The following TEX15 variants were observed in gnomAD, a reference collection of about 807,000 sequenced individuals.
TEX15 encodes testis-expressed protein 15.
Under a neutral mutation model 237.3 loss-of-function variants are expected in TEX15, and 171 were observed. The observed-to-expected ratio is 0.72, with a 90% CI of 0.64 to 0.82. The LOEUF (loss-of-function observed/expected upper bound fraction) is 0.82, where lower values mean the gene tolerates loss of function less well. Ranked by LOEUF, TEX15 falls within the 40% of genes least tolerant of loss-of-function variation. TEX15 has a pLI of 0.00. For synonymous variants in TEX15, 1,338 were observed against 1,269.8 expected, an observed-to-expected ratio of 1.05 and a Z score of -1.14; for missense variants, 3,750 against 3,646.5, an observed-to-expected ratio of 1.03 and a Z score of -0.73.
In TEX15 at chr8:30,837,622, C is replaced by T. The variant is rs941181993; in HGVS notation, c.8662G>A (p.Val2888Met). ...DINPETDVSL[V>M]PDASVLSKPI... is the part of the protein sequence containing the mutation. Reference sequence around the variant, plus strand: ...TTTGAGAGCACCGACGCATCAGGCACAAGAGAAACATCAGTTTCTGGGTTT... The same window carrying T: ...TTTGAGAGCACCGACGCATCAGGCATAAGAGAAACATCAGTTTCTGGGTTT... Residue 2888 changes from valine (V) to methionine (M), a missense_variant, in exon 10 of 11, where the codon GTG (valine) becomes ATG (methionine). Coordinates refer to ENST00000643185, the MANE Select transcript of TEX15 (RefSeq NM_001350162.2). 6.2e-7 allele frequency: 1 copy of T among 1,613,940 alleles called. No homozygotes were observed. Among genetic ancestry groups the T allele is most frequent in the African/African-American group, 1.3e-5 (1 of 74,928 alleles).
chr8:30,863,391 C>T (rs1808092399), intron 5 of TEX15, among the ~76,000 whole-genome samples: 1 of 152,112 alleles, frequency 6.6e-6, no homozygotes, highest in Non-Finnish European at 1.5e-5. Context: ...CCATGACAGG[C>T]AGCTGTACAG....
intron 7 of TEX15, among the ~76,000 whole-genome samples, chr8:30,852,352 C>T (rs1467611389): frequency 4.6e-5 from 7 of 151,980 alleles, no homozygotes; most frequent in African/African-American, 1.4e-4. Context: ...CTTGGCCTCC[C>T]AAAGTGCTAG....
chr8:30,892,764 T>C (rs1249496436), intron 2 of TEX15, among the ~76,000 whole-genome samples: 2 of 152,222 alleles, frequency 1.3e-5, no homozygotes, highest in East Asian at 1.9e-4. Context: ...CTGGGCGCAG[T>C]GGCTCACGCC....
At chr8:30,867,617 G>C in intron 4 of TEX15, 115 bp from the exon 5 acceptor site, 1 of 638,118 alleles carries the variant, frequency 1.6e-6, no homozygotes, top group Non-Finnish European at 2.7e-6. Flanking sequence ...GATATTCAGA[G>C]GTATTACTAC....
At chr8:30,836,204 C>CTTT (rs1563225631) in intron 10 of TEX15, among the ~76,000 whole-genome samples, 23 of 18,832 alleles carry the variant, frequency 1.2e-3, no homozygotes, top group Admixed American at 3.3e-3. Context: ...TTCACTGTAT[C>CTTT]GTTTTTTTTT....
intron 2 of TEX15, among the ~76,000 whole-genome samples, chr8:30,890,862 G>A (rs1002852066): frequency 1.3e-5 from 2 of 152,026 alleles, no homozygotes; most frequent in South Asian, 2.1e-4. Context: ...GTGACATTGA[G>A]CTATTTTTTC....
At chr8:30,853,212 G>A (rs1331395246) in intron 7 of TEX15, among the ~76,000 whole-genome samples, 1 of 152,136 alleles carries the variant, frequency 6.6e-6, no homozygotes, top group African/African-American at 2.4e-5. Flanking sequence ...TCCGGCTGAG[G>A]GGAAATGTGG....
intron 8 of TEX15, among the ~76,000 whole-genome samples, chr8:30,841,233 T>C (rs1272889828): frequency 1.3e-5 from 2 of 152,198 alleles, no homozygotes; most frequent in Non-Finnish European, 2.9e-5. Context: ...TATAGGTTTC[T>C]TTTCTAAACT....
At position 30,839,890 on chromosome 8, in the gene TEX15, T is replaced by C; in HGVS notation, c.8222+16A>G. The stretch of plus-strand genomic sequence containing the variant: ...GTTCAATTTTTTTTCCACATAGGGC[T>C]GATGGGAACTCCTACCTTGGATGCT... On this transcript the variant is annotated intron_variant, in intron 9 of 10. Coordinates refer to ENST00000643185, the MANE Select transcript of TEX15 (RefSeq NM_001350162.2). The C allele has an allele frequency of 1.3e-6, 2 of 1,585,382 alleles. No individual in the cohort carries two copies. Among genetic ancestry groups the C allele is most frequent in the Non-Finnish European group, 1.7e-6 (2 of 1,166,992 alleles).
chr8:30,911,399 G>A (rs548963283), intron 1 of TEX15, among the ~76,000 whole-genome samples: 13 of 152,208 alleles, frequency 8.5e-5, no homozygotes, highest in African/African-American at 3.1e-4. Context: ...CGATCCGCCC[G>A]CCTTGGCCTC....
intron 6 of TEX15, among the ~76,000 whole-genome samples, chr8:30,859,570 A>C (rs1304868657): frequency 6.6e-6 from 1 of 152,090 alleles, no homozygotes; most frequent in Non-Finnish European, 1.5e-5. Flanking sequence ...TTGGAAATTT[A>C]CTCTCAGCAA....
chr8:30,832,539 CTA>C lies in TEX15; in HGVS notation c.*745_*746del, dbSNP rs1404080461. 3 of 152,164 alleles carry C rather than the reference CTA, an allele frequency of 2.0e-5. No individual in the cohort carries two copies. The highest frequency in any genetic ancestry group is 6.5e-5 in the Admixed American group (1 of 15,278). The allele number at this position is 152,164 out of a possible 1,614,324, so 9.4% of individuals were successfully genotyped here. A position where few individuals can be genotyped will look rare whatever the true frequency, so the allele number is the denominator to read the frequency against. ...AGTCTATGACAAGAGCATGAAAAAA[CTA>C]TGTTTGTGCCACATTGTTTAAATTA... On this transcript the variant is annotated 3_prime_UTR_variant, in exon 11 of 11. Transcript: ENST00000643185.
chr8:30,873,370 A>T (rs1273247224), intron 4 of TEX15, among the ~76,000 whole-genome samples: 1 of 152,158 alleles, frequency 6.6e-6, no homozygotes, highest in African/African-American at 2.4e-5. Context: ...ATTGAATCTG[A>T]ATTTTCTACG....
At chr8:30,840,039 TTA>T in intron 8 of TEX15, 75 bp from the exon 9 acceptor site, 1 of 840,998 alleles carries the variant, frequency 1.2e-6, no homozygotes, top group Non-Finnish European at 1.7e-6. Flanking sequence ...TATTTCAATA[TTA>T]GATATTTTTA....
At chr8:30,902,989 C>T (rs1809034262) in intron 1 of TEX15, among the ~76,000 whole-genome samples, 1 of 152,142 alleles carries the variant, frequency 6.6e-6, no homozygotes, top group Non-Finnish European at 1.5e-5. Flanking sequence ...AGGGATTATG[C>T]TTTTAAACTA....
intron 4 of TEX15, among the ~76,000 whole-genome samples, chr8:30,871,700 C>G (rs957738476): frequency 6.6e-6 from 1 of 152,112 alleles, no homozygotes; most frequent in African/African-American, 2.4e-5. Flanking sequence ...AACGCTCATT[C>G]ACACAAAGCA....
chr8:30,841,692 C>A (rs1807456446), intron 8 of TEX15, among the ~76,000 whole-genome samples: 1 of 152,162 alleles, frequency 6.6e-6, no homozygotes. Context: ...TGGTCTCTCA[C>A]TCAGTGTTCA....
rs753047219 is a variant in TEX15, at chr8:30,848,026, G to A, written c.2141C>T (p.Thr714Ile). ...LDHLALEWQI[T>I]PSFESLSQKH... ...TTGTGACAGGCTCTCAAAACTTGGA[G>A]TAATTTGCCATTCCAATGCTAGATG... is the stretch of plus-strand genomic sequence containing the variant. Residue 714 changes from threonine to isoleucine, a missense_variant, in exon 8 of 11, where the codon ACT becomes ATT. Transcript: ENST00000643185. 17 of 1,613,940 alleles carry A rather than the reference G, an allele frequency of 1.1e-5. No individual in the cohort carries two copies. The East Asian group carries it at 3.6e-4, about 34-fold the overall frequency.
At position 30,846,499 on chromosome 8, in the gene TEX15, TCAA is replaced by T; in HGVS notation, c.3665_3667del (p.Val1222del). On this transcript the variant is annotated inframe_deletion, in exon 8 of 11. Transcript: ENST00000643185. ...TGGCCCTGATTCTTGCCTTATATTA[TCAA>T]CTTTATCTTCACATGGATAATCTGC... is the stretch of plus-strand genomic sequence containing the variant. The T allele has an allele frequency of 6.2e-7, 1 of 1,613,598 alleles. No individual in the cohort carries two copies. The highest frequency in any genetic ancestry group is 8.5e-7 in the Non-Finnish European group (1 of 1,179,752).
Sources: gnomAD v4.1 joint callset for allele counts (sites outside exome capture counted in the v4.1 genomes callset) on GRCh38, gnomAD v4.1.1 for gene constraint, MANE v1.5 for transcripts, NCBI Gene and HGNC (gene_info 2026-07-23, HGNC 2026-07-21) for gene names.